CMYA5: variants seen among roughly 807,000 people sequenced by gnomAD.
CMYA5 encodes the protein cardiomyopathy-associated protein 5.
CMYA5 carries 246 observed loss-of-function variants against 318.9 expected under a neutral mutation model. That is an observed-to-expected ratio of 0.77 (90% CI 0.70 to 0.86). The LOEUF is 0.86. Ranked by LOEUF, CMYA5 falls within the 40% of genes least tolerant of loss-of-function variation. The pLI, the probability that CMYA5 is intolerant of heterozygous loss-of-function variation, is 0.00. For missense variants in CMYA5, 4,589 were observed against 4,678.2 expected (o/e 0.98, Z 0.56); for synonymous variants, 1,641 against 1,729.5 (o/e 0.95, Z 1.27).
chr5:79,770,673 C>T lies in CMYA5; in HGVS notation c.11555+7464C>T, dbSNP rs570099878. Among the ~76,000 whole-genome samples the T allele has an allele frequency of 2.6e-5, 4 of 152,270 alleles. No individual in the cohort carries two copies. In the South Asian group the frequency reaches 6.2e-4, roughly 24 times the overall value. Reference sequence around the variant, plus strand: ...AAATGCAGAAATCACCCACCTTCTACATTGATCTCGCTGGGAGCTGGAGAC... The same window carrying T: ...AAATGCAGAAATCACCCACCTTCTATATTGATCTCGCTGGGAGCTGGAGAC... On this transcript the variant is annotated intron_variant, in intron 9 of 12. Transcript: ENST00000446378.
chr5:79,729,670 C>G lies in CMYA5; in HGVS notation c.905C>G (p.Pro302Arg). 1.2e-6 allele frequency: 2 copies of G among 1,613,462 alleles called. No individual in the cohort carries two copies. The highest frequency in any genetic ancestry group is 8.5e-7 in the Non-Finnish European group (1 of 1,179,734). Residue 302 changes from proline (P) to arginine (R), a missense_variant, in exon 2 of 13, where the codon CCC becomes CGC. By Grantham distance (103) the Pro-to-Arg change is moderately radical (BLOSUM62 -2). Coordinates refer to ENST00000446378, the MANE Select transcript of CMYA5 (RefSeq NM_153610.5). Reference sequence around the variant, plus strand: ...GATAAAGTAAAAGAGGTTTTTCCACCCTGGAGAGGCGCACTCTCCAAAGGA... The same window carrying G: ...GATAAAGTAAAAGAGGTTTTTCCACGCTGGAGAGGCGCACTCTCCAAAGGA... ...IEDKVKEVFP[P>R]WRGALSKGSE...
rs1312557435 is a variant in CMYA5 at position 79,734,377 on chromosome 5, C to A, written c.5612C>A (p.Thr1871Lys). Residue 1871 changes from threonine (T) to lysine (K), a missense_variant, in exon 2 of 13, where the codon ACA becomes AAA. By Grantham distance (78) the Thr-to-Lys change is moderately conservative. Around this residue, in one of 3 missense-constraint regions of CMYA5, gnomAD observed 26 missense variants for 51.8 expected, o/e 0.50. Transcript: ENST00000446378. ...LPLEQSKSFM[T>K]TKPADVKETK... ...TTGGAACAATCAAAATCATTTATGA[C>A]AACCAAGCCTGCGGATGTCAAAGAA... 1.9e-6 allele frequency: 3 copies of A among 1,613,790 alleles called. No homozygotes were observed. The African/African-American group carries it at 4.0e-5, about 22-fold the overall frequency.
At chr5:79,718,822 A>G (rs1413332811) in intron 1 of CMYA5, among the ~76,000 whole-genome samples, 3 of 152,142 alleles carry the variant, frequency 2.0e-5, no homozygotes, top group African/African-American at 2.4e-5. Context: ...TAGCTGTACA[A>G]ATACTCACCA....
At chr5:79,691,722 C>G (rs56312240) in intron 1 of CMYA5, among the ~76,000 whole-genome samples, 1 of 152,060 alleles carries the variant, frequency 6.6e-6, no homozygotes, top group Non-Finnish European at 1.5e-5. Context: ...TGTAAAATAT[C>G]TGAAGAGATT....
intron 1 of CMYA5, among the ~76,000 whole-genome samples, chr5:79,696,704 T>C (rs1277445344): frequency 6.6e-6 from 1 of 152,198 alleles, no homozygotes; most frequent in Non-Finnish European, 1.5e-5. Flanking sequence ...ATTTCTTCCA[T>C]TTAAAGAAAT....
chr5:79,725,100 A>G (rs1433684505), intron 1 of CMYA5, among the ~76,000 whole-genome samples: 1 of 152,220 alleles, frequency 6.6e-6, no homozygotes, highest in South Asian at 2.1e-4. Flanking sequence ...CATTCAACTC[A>G]GCAATTCCAT....
intron 1 of CMYA5, among the ~76,000 whole-genome samples, chr5:79,698,831 C>T (rs1474900417): frequency 1.3e-5 from 2 of 152,190 alleles, no homozygotes; most frequent in Non-Finnish European, 2.9e-5. Flanking sequence ...ACAGCTAGAA[C>T]GCAGTGCCTG....
In CMYA5 at chr5:79,763,332, T is replaced by C; in HGVS notation, c.11555+123T>C. The C allele has an allele frequency of 3.6e-6, 3 of 836,834 alleles. No homozygotes were observed. In the South Asian group the frequency reaches 5.7e-5, roughly 16 times the overall value. The allele number at this position is 836,834 out of a possible 1,614,324, so 51.8% of individuals were successfully genotyped here. ...GCCGTCTAAAATCCTGCTGAGCTAA[T>C]GAAGCCGCTGACTTGATTTGCAGCT... On this transcript the variant is annotated intron_variant, in intron 9 of 12. Coordinates refer to ENST00000446378, the MANE Select transcript of CMYA5 (RefSeq NM_153610.5).
chr5:79,700,339 G>T (rs147028767), intron 1 of CMYA5, among the ~76,000 whole-genome samples: 142 of 151,832 alleles, frequency 9.4e-4, no homozygotes, highest in Non-Finnish European at 1.8e-3. Context: ...TTGGGTTCCA[G>T]AATCTTCGCC....
At chr5:79,787,860 T>C (rs950494080) in intron 9 of CMYA5, among the ~76,000 whole-genome samples, 3 of 152,192 alleles carry the variant, frequency 2.0e-5, no homozygotes, top group Admixed American at 1.3e-4. Context: ...TTTTTCGTTT[T>C]TCTGGTTCTC....
At chr5:79,706,553 C>A (rs543879805) in intron 1 of CMYA5, among the ~76,000 whole-genome samples, 13 of 152,154 alleles carry the variant, frequency 8.5e-5, no homozygotes, top group African/African-American at 2.9e-4. Flanking sequence ...AAGATCAGGG[C>A]GTTTATAGCC....
chr5:79,767,478 G>A lies in CMYA5; in HGVS notation c.11555+4269G>A, dbSNP rs1828776642. Among the ~76,000 whole-genome samples, 3 of 152,130 alleles carry A rather than the reference G, an allele frequency of 2.0e-5. No individual in the cohort carries two copies. The South Asian group carries it at 6.2e-4, about 32-fold the overall frequency. ...TCCCTCTAAACACTGCTTTAGCTGTGTCCCAGAGATTCTGCTATGTTGTGT... is the reference window on the plus strand; with the variant it reads ...TCCCTCTAAACACTGCTTTAGCTGTATCCCAGAGATTCTGCTATGTTGTGT... On this transcript the variant is annotated intron_variant, in intron 9 of 12. Transcript: ENST00000446378.
In CMYA5 at chr5:79,729,894, G is replaced by A. The variant is rs1008650654; in HGVS notation, c.1129G>A (p.Glu377Lys). ...AGATGAAGCAAAACCACATGAAGTG[G>A]AACCTCCATCTGTGACACCCGACAC... ...PEDEAKPHEV[E>K]PPSVTPDTPA... The change falls in exon 2 of 13, where the codon GAA (glutamate) becomes AAA (lysine). Residue 377 changes from glutamate to lysine, a missense_variant. Glu to Lys is a moderately conservative substitution (Grantham distance 56, BLOSUM62 1). Coordinates refer to ENST00000446378, the MANE Select transcript of CMYA5 (RefSeq NM_153610.5). 3.7e-6 allele frequency: 6 copies of A among 1,612,770 alleles called. No individual in the cohort carries two copies. In the African/African-American group the frequency reaches 8.0e-5, roughly 22 times the overall value.
At chr5:79,707,378 G>A (rs553084812) in intron 1 of CMYA5, among the ~76,000 whole-genome samples, 1 of 152,310 alleles carries the variant, frequency 6.6e-6, no homozygotes, top group African/African-American at 2.4e-5. Context: ...ACTCAAAGAT[G>A]TTGACTAAGT....
chr5:79,752,894 A>G (rs760472406), intron 6 of CMYA5, 100 bp downstream of exon 6: 2 of 761,502 alleles, frequency 2.6e-6, no homozygotes, highest in South Asian at 1.8e-5. Context: ...GAGTGTAAAG[A>G]CATGTAACTG....
rs1369890798 is a variant in CMYA5, at chr5:79,734,037, C to T, written c.5272C>T (p.Pro1758Ser). ...AGGATTATCAGAGGAGGTTAGCCAT[C>T]CAGCCGACTTTAAAAAGGGAGGAAA... ...LKGLSEEVSHPADFKKGGNQE... is the reference protein window; with the variant it reads ...LKGLSEEVSHSADFKKGGNQE... The change falls in exon 2 of 13, where the codon CCA becomes TCA. Residue 1758 changes from proline to serine, a missense_variant. Pro to Ser is a moderately conservative substitution (Grantham distance 74). This residue lies in a region of CMYA5 where 2,132 missense variants were observed against 2,131.3 expected (regional missense o/e 1.00). Transcript: ENST00000446378. 1.2e-6 allele frequency: 2 copies of T among 1,613,652 alleles called. No homozygotes were observed. Among genetic ancestry groups the T allele is most frequent in the Non-Finnish European group, 1.7e-6 (2 of 1,179,846 alleles).
Position 79,733,748 on chromosome 5 carries a change from A to T in CMYA5, c.4983A>T (p.Ile1661=). The T allele has an allele frequency of 1.2e-6, 2 of 1,613,698 alleles. No homozygotes were observed. Among genetic ancestry groups the T allele is most frequent in the Non-Finnish European group, 8.5e-7 (1 of 1,179,806 alleles). The change falls in exon 2 of 13, where the codon ATA becomes ATT. Residue 1661 remains isoleucine (I), a synonymous_variant. Coordinates refer to ENST00000446378, the MANE Select transcript of CMYA5 (RefSeq NM_153610.5). ...SIGTKQAKSP[I]TETEDSVLEK... The stretch of plus-strand genomic sequence containing the variant: ...GTACAAAACAAGCAAAGTCTCCCAT[A>T]ACTGAAACAGAGGATTCTGTTTTAG...
intron 1 of CMYA5, among the ~76,000 whole-genome samples, chr5:79,722,116 T>C (rs1561201885): frequency 6.6e-6 from 1 of 152,168 alleles, no homozygotes; most frequent in Non-Finnish European, 1.5e-5. Context: ...AAATAAATTC[T>C]CTGATCACAA....
In CMYA5 at chr5:79,745,449, C is replaced by A. The variant is rs1363914897; in HGVS notation, c.10962C>A (p.Phe3654Leu). 3 of 1,612,878 alleles carry A rather than the reference C, an allele frequency of 1.9e-6. No homozygotes were observed. The highest frequency in any genetic ancestry group is 2.7e-5 in the African/African-American group (2 of 74,896). Residue 3654 changes from phenylalanine to leucine, a missense_variant, in exon 4 of 13, where the codon TTC (phenylalanine) becomes TTA (leucine). Phe to Leu is a conservative substitution (Grantham distance 22). This residue lies in a region of CMYA5 where 2,431 missense variants were observed against 2,495.1 expected (regional missense o/e 0.97). Transcript: ENST00000446378. ...REAEELDEAV[F>L]LTSFEEINER... is the part of the protein sequence containing the mutation. ...CAGAGGAGCTTGATGAGGCCGTCTT[C>A]CTGACTGTAAGTGCCAAGTAAAATG...
Sources: gnomAD v4.1 joint callset for allele counts (sites outside exome capture counted in the v4.1 genomes callset) on GRCh38, gnomAD v4.1.1 for gene constraint, gnomAD v4.1.1 regional missense constraint, MANE v1.5 for transcripts, NCBI Gene and HGNC (gene_info 2026-07-23, HGNC 2026-07-21) for gene names.